The following PPP3CC variants were observed in gnomAD, a reference collection of about 807,000 sequenced individuals.
The protein encoded by PPP3CC is protein phosphatase 3 catalytic subunit gamma.
In PPP3CC, 35 loss-of-function variants were observed where a neutral mutation model predicts 60.3. The ratio of observed to expected loss-of-function variants is 0.58; its 90% CI spans 0.44 to 0.77. The LOEUF (loss-of-function observed/expected upper bound fraction) is 0.77. PPP3CC is among the 30% of genes least tolerant of loss of function. The pLI is 0.00. For missense variants in PPP3CC, 570 were observed against 628.9 expected (o/e 0.91, Z 1.00); for synonymous variants, 206 against 224.3 (o/e 0.92, Z 0.73).
At chr8:22,467,761 G>C (rs1230254230) in intron 1 of PPP3CC, among the ~76,000 whole-genome samples, 1 of 152,140 alleles carries the variant, frequency 6.6e-6, no homozygotes, top group Admixed American at 6.5e-5. Context: ...CCTTAGACTG[G>C]GTAATTTGTG....
intron 8 of PPP3CC, among the ~76,000 whole-genome samples, chr8:22,525,465 CTTTCTT>C (rs1375657722): frequency 6.8e-6 from 1 of 147,864 alleles, no homozygotes. Flanking sequence ...TCTTTCTTTT[CTTTCTT>C]TTTCTTTCTG....
At chr8:22,518,266 G>C (rs193050539) in intron 6 of PPP3CC, among the ~76,000 whole-genome samples, 3 of 152,088 alleles carry the variant, frequency 2.0e-5, no homozygotes, top group Admixed American at 2.0e-4. Context: ...AGGTCTTGCT[G>C]TGTTGCTTAG....
rs1839935961 is a variant in PPP3CC at position 22,540,538 on chromosome 8, T to C, written c.1352-77T>C. On this transcript the variant is annotated intron_variant, in intron 13 of 13. Transcript: ENST00000240139. Reference sequence around the variant, plus strand: ...TGTGTTTCTCTAGGAGGTTGCTGTGTGCTAAGAAACTTTTTTTAAGCCTGT... The same window carrying C: ...TGTGTTTCTCTAGGAGGTTGCTGTGCGCTAAGAAACTTTTTTTAAGCCTGT... 2.0e-5 allele frequency: 29 copies of C among 1,420,666 alleles called. 1 individual carries two copies. The South Asian group carries it at 3.7e-4, about 18-fold the overall frequency. 88.0% of individuals were successfully genotyped at this position (1,420,666 alleles called of 1,614,324 possible).
In PPP3CC at chr8:22,482,693, T is replaced by C. The variant is rs191469079; in HGVS notation, c.372+7069T>C. Reference sequence around the variant, plus strand: ...AGGTGAAGAAAAACCTTCTGTAGTATGATTGTTTCTTCTTATGTGATGTTC... The same window carrying C: ...AGGTGAAGAAAAACCTTCTGTAGTACGATTGTTTCTTCTTATGTGATGTTC... On this transcript the variant is annotated intron_variant, in intron 3 of 13. Coordinates refer to ENST00000240139, the MANE Select transcript of PPP3CC (RefSeq NM_005605.5). 4.6e-5 allele frequency among the ~76,000 whole-genome samples: 7 copies of C among 152,358 alleles called. No individual in the cohort carries two copies. In the East Asian group the frequency reaches 1.2e-3, roughly 25 times the overall value.
intron 12 of PPP3CC, among the ~76,000 whole-genome samples, chr8:22,533,601 G>T (rs1212595886): frequency 1.3e-5 from 2 of 152,086 alleles, no homozygotes; most frequent in African/African-American, 4.8e-5. Context: ...GAGGCGGGCG[G>T]ATCACCTGAG....
intron 3 of PPP3CC, among the ~76,000 whole-genome samples, chr8:22,480,603 C>G (rs1204688254): frequency 6.6e-6 from 1 of 152,128 alleles, no homozygotes; most frequent in East Asian, 1.9e-4. Context: ...CTCAGCCTCC[C>G]AAGTAGCTGG....
rs926663558 is a variant in PPP3CC, at chr8:22,441,698, A to G, written c.49+240A>G. ...TTCCCTCCCGAAGGGTTCAGGGTGC[A>G]GTGGGGACTTCTTCTCCCACCGCCC... On this transcript the variant is annotated intron_variant, in intron 1 of 13. Transcript: ENST00000240139. 6.6e-4 allele frequency among the ~76,000 whole-genome samples: 98 copies of G among 148,338 alleles called. 5 individuals carry two copies. Among genetic ancestry groups the G allele is most frequent in the Non-Finnish European group, 3.0e-5 (2 of 67,208 alleles).
intron 1 of PPP3CC, among the ~76,000 whole-genome samples, chr8:22,447,243 A>C (rs201399031): frequency 2.1e-5 from 3 of 145,212 alleles, no homozygotes; most frequent in South Asian, 2.2e-4. Context: ...GCAGTGGCGC[A>C]ATCTCGGCTC....
At chr8:22,507,035 C>T (rs1043185429) in intron 4 of PPP3CC, among the ~76,000 whole-genome samples, 1 of 152,106 alleles carries the variant, frequency 6.6e-6, no homozygotes, top group African/African-American at 2.4e-5. Flanking sequence ...GGGAGGATCT[C>T]TTGAGGCCAG....
chr8:22,484,422 T>C (rs1315927938), intron 3 of PPP3CC, among the ~76,000 whole-genome samples: 1 of 152,176 alleles, frequency 6.6e-6, no homozygotes, highest in East Asian at 1.9e-4. Context: ...AGAGTTTTGG[T>C]CATGAAATAG....
At chr8:22,488,902 G>A (rs376453578) in intron 3 of PPP3CC, among the ~76,000 whole-genome samples, 3 of 152,148 alleles carry the variant, frequency 2.0e-5, no homozygotes, top group Non-Finnish European at 4.4e-5. Flanking sequence ...TGAGGCTATC[G>A]AGGCTAGACA....
chr8:22,532,867 T>A (rs796999896), intron 11 of PPP3CC, 54 bp from the exon 12 acceptor site: 4 of 1,240,028 alleles, frequency 3.2e-6, no homozygotes, highest in Non-Finnish European at 4.4e-6. Flanking sequence ...TATCTTTAAG[T>A]TGCTGAATGG....
At chr8:22,476,281 T>C (rs1837885197) in intron 3 of PPP3CC, among the ~76,000 whole-genome samples, 1 of 152,214 alleles carries the variant, frequency 6.6e-6, no homozygotes, top group African/African-American at 2.4e-5. Flanking sequence ...TAGTTAATGT[T>C]CATTGATTCA....
chr8:22,525,469 C>G (rs1365524752), intron 8 of PPP3CC, among the ~76,000 whole-genome samples: 1 of 147,174 alleles, frequency 6.8e-6, no homozygotes, highest in Non-Finnish European at 1.5e-5. Flanking sequence ...TCTTTTCTTT[C>G]TTTTTCTTTC....
At chr8:22,517,657 G>A (rs546008512) in intron 6 of PPP3CC, among the ~76,000 whole-genome samples, 33 of 152,076 alleles carry the variant, frequency 2.2e-4, no homozygotes, top group Middle Eastern at 3.4e-3. Context: ...GTGATTATTC[G>A]TAATAGTCCG....
At chr8:22,469,724 A>G (rs1264203817) in intron 1 of PPP3CC, among the ~76,000 whole-genome samples, 1 of 152,120 alleles carries the variant, frequency 6.6e-6, no homozygotes, top group Non-Finnish European at 1.5e-5. Flanking sequence ...TGAGTGAGAA[A>G]GCTTTCAGGT....
At chr8:22,463,477 C>T (rs886558804) in intron 1 of PPP3CC, among the ~76,000 whole-genome samples, 7 of 152,100 alleles carry the variant, frequency 4.6e-5, no homozygotes, top group Admixed American at 1.3e-4. Context: ...AAGGAAGAAG[C>T]GGAAACCACC....
intron 4 of PPP3CC, among the ~76,000 whole-genome samples, chr8:22,504,611 T>C (rs185128539): frequency 6.6e-6 from 1 of 152,288 alleles, no homozygotes; most frequent in Non-Finnish European, 1.5e-5. Flanking sequence ...AACAGTTAAT[T>C]TTTGACATAT....
chr8:22,520,121 T>C (rs896307324), intron 6 of PPP3CC, among the ~76,000 whole-genome samples: 4 of 151,888 alleles, frequency 2.6e-5, no homozygotes, highest in African/African-American at 9.7e-5. Context: ...TTTTTTTTTC[T>C]TTCTTTTAGT....
Sources: gnomAD v4.1 joint callset for allele counts (sites outside exome capture counted in the v4.1 genomes callset) on GRCh38, gnomAD v4.1.1 for gene constraint, MANE v1.5 for transcripts, NCBI Gene and HGNC (gene_info 2026-07-23, HGNC 2026-07-21) for gene names.